The following SV2C variants were observed in gnomAD, a reference collection of about 807,000 sequenced individuals.
SV2C encodes the protein synaptic vesicle glycoprotein 2C.
A neutral mutation model predicts 79.7 loss-of-function variants in SV2C; 49 were observed. The observed-to-expected ratio is 0.61, with a 90% CI of 0.49 to 0.78. The LOEUF (loss-of-function observed/expected upper bound fraction) is 0.78. SV2C is among the 30% of genes least tolerant of loss of function. The pLI, the probability that SV2C is intolerant of heterozygous loss-of-function variation, is 0.00. For synonymous variants in SV2C, 334 were observed against 333.2 expected (o/e 1.00, Z -0.03); for missense variants, 833 against 912.9 (o/e 0.91, Z 1.13).
the SV2C span, among the ~76,000 whole-genome samples, chr5:75,969,416 A>G: frequency 6.6e-6 from 1 of 152,216 alleles, no homozygotes; most frequent in East Asian, 1.9e-4. Context: ...AGTGTGCTGT[A>G]TTCAGGAAAC....
chr5:76,077,208 C>G, the SV2C span, among the ~76,000 whole-genome samples: 2 of 152,006 alleles, frequency 1.3e-5, no homozygotes, highest in Non-Finnish European at 2.9e-5. Context: ...TCTGATAAGC[C>G]TCTCGATCTA....
At chr5:76,107,513 A>T (rs920272156) in intron 1 of SV2C, among the ~76,000 whole-genome samples, 4 of 152,174 alleles carry the variant, frequency 2.6e-5, no homozygotes, top group Admixed American at 6.5e-5. Flanking sequence ...TGATACTGTG[A>T]CAGTTAAGAA....
At chr5:76,260,328 G>T (rs1746422948) in intron 4 of SV2C, among the ~76,000 whole-genome samples, 1 of 151,786 alleles carries the variant, frequency 6.6e-6, no homozygotes, top group Non-Finnish European at 1.5e-5. Context: ...GTTCCTTATA[G>T]ATTCTGCATA....
At chr5:75,902,091 C>CTGCTGCACTGCA in the SV2C span, among the ~76,000 whole-genome samples, 1 of 152,152 alleles carries the variant, frequency 6.6e-6, no homozygotes, top group African/African-American at 2.4e-5. Flanking sequence ...GTGTGCTGCA[C>CTGCTGCACTGCA]CCACTGACCT....
At position 76,208,419 on chromosome 5, in the gene SV2C, G is replaced by A. The variant is rs144803876; in HGVS notation, c.762-1317G>A. ...GTGGTCTTCCCATGTCCACTGATGC[G>A]TAACTATGGCATCACTTTAAACAGA... On this transcript the variant is annotated intron_variant, in intron 3 of 12. Coordinates refer to ENST00000502798, the MANE Select transcript of SV2C (RefSeq NM_014979.4). 4.3e-3 allele frequency among the ~76,000 whole-genome samples: 658 copies of A among 152,240 alleles called. 3 individuals carry two copies. The highest frequency in any genetic ancestry group is 7.8e-3 in the Admixed American group (119 of 15,292).
chr5:76,210,585 A>C (rs964171607), intron 4 of SV2C, among the ~76,000 whole-genome samples: 1 of 152,118 alleles, frequency 6.6e-6, no homozygotes, highest in Non-Finnish European at 1.5e-5. Flanking sequence ...AACAACCCAA[A>C]AGCTCTCCAA....
the SV2C span, among the ~76,000 whole-genome samples, chr5:76,012,136 G>T: frequency 6.6e-6 from 1 of 152,174 alleles, no homozygotes; most frequent in Middle Eastern, 3.2e-3. Flanking sequence ...TAACGGGATT[G>T]CTGGGTCAAA....
intron 12 of SV2C, among the ~76,000 whole-genome samples, chr5:76,316,742 A>G (rs191095146): frequency 7.2e-5 from 11 of 152,232 alleles, no homozygotes; most frequent in African/African-American, 2.6e-4. Context: ...TCCACATGCC[A>G]TCCTTCTCCT....
chr5:75,894,287 C>T, the SV2C span, among the ~76,000 whole-genome samples: 1 of 151,944 alleles, frequency 6.6e-6, no homozygotes, highest in South Asian at 2.1e-4. Flanking sequence ...GATCAGCTTC[C>T]CCAGAACTCT....
chr5:76,102,904 T>G (rs1246973867), intron 1 of SV2C, among the ~76,000 whole-genome samples: 1 of 152,222 alleles, frequency 6.6e-6, no homozygotes, highest in African/African-American at 2.4e-5. Context: ...GGCTTGACAC[T>G]TGTTTATATC....
chr5:76,315,763 G>A (rs1340547513), intron 12 of SV2C, among the ~76,000 whole-genome samples: 1 of 152,148 alleles, frequency 6.6e-6, no homozygotes, highest in Non-Finnish European at 1.5e-5. Flanking sequence ...AATAAACAAG[G>A]GAGTTTAACA....
chr5:75,864,151 G>A, the SV2C span, among the ~76,000 whole-genome samples: 1 of 152,092 alleles, frequency 6.6e-6, no homozygotes, highest in African/African-American at 2.4e-5. Context: ...TGGATAAAGA[G>A]ACACAGTAAA....
the SV2C span, among the ~76,000 whole-genome samples, chr5:75,925,450 C>T: frequency 6.6e-6 from 1 of 152,198 alleles, no homozygotes; most frequent in Non-Finnish European, 1.5e-5. Flanking sequence ...CAGTACCATA[C>T]ACCATATAGG....
chr5:76,146,252 G>A (rs920820781), intron 2 of SV2C, among the ~76,000 whole-genome samples: 4 of 152,144 alleles, frequency 2.6e-5, no homozygotes, highest in South Asian at 2.1e-4. Flanking sequence ...TGGATGTCAC[G>A]CAAGAAAGAA....
At chr5:76,208,101 T>TC (rs373884878) in intron 3 of SV2C, among the ~76,000 whole-genome samples, 273 of 152,318 alleles carry the variant, frequency 1.8e-3, no homozygotes, top group African/African-American at 6.3e-3. Context: ...ACCACTGCTG[T>TC]CATAGCCCAG....
chr5:75,851,714 C>T, the SV2C span, among the ~76,000 whole-genome samples: 1 of 152,136 alleles, frequency 6.6e-6, no homozygotes, highest in Non-Finnish European at 1.5e-5. Flanking sequence ...GATCTCGGCT[C>T]ACTGCAAGCT....
the SV2C span, among the ~76,000 whole-genome samples, chr5:75,956,134 T>C: frequency 1.4e-5 from 2 of 143,108 alleles, no homozygotes; most frequent in Non-Finnish European, 3.1e-5. Context: ...TAGCAAAGAC[T>C]TGGAACCAAC....
At chr5:76,072,459 A>C in the SV2C span, among the ~76,000 whole-genome samples, 1 of 152,196 alleles carries the variant, frequency 6.6e-6, no homozygotes, top group African/African-American at 2.4e-5. Context: ...CCATATATGC[A>C]GTTGACCCTA....
intron 4 of SV2C, among the ~76,000 whole-genome samples, chr5:76,273,337 C>G (rs567063025): frequency 1.6e-4 from 24 of 151,990 alleles, no homozygotes; most frequent in African/African-American, 5.5e-4. Context: ...TTTTTCAACT[C>G]TCAGACTCAT....
Sources: gnomAD v4.1 joint callset for allele counts (sites outside exome capture counted in the v4.1 genomes callset) on GRCh38, gnomAD v4.1.1 for gene constraint, MANE v1.5 for transcripts, NCBI Gene and HGNC (gene_info 2026-07-23, HGNC 2026-07-21) for gene names.